Variants in GALNT10 observed in about 807,000 individuals in gnomAD.
The protein encoded by GALNT10 is GalNAc transferase 10.
Under a neutral mutation model 75.0 loss-of-function variants are expected in GALNT10, and 41 were observed. That is an observed-to-expected ratio of 0.55 (90% CI 0.43 to 0.71). The LOEUF is 0.71. Ranked by LOEUF, GALNT10 falls within the 30% of genes least tolerant of loss-of-function variation. GALNT10 has a pLI of 0.00. For missense variants in GALNT10, 727 were observed against 818.5 expected (o/e 0.89, Z 1.36); for synonymous variants, 302 against 313.0 (o/e 0.96, Z 0.37).
intron 1 of GALNT10, among the ~76,000 whole-genome samples, chr5:154,203,055 T>C (rs1193924850): frequency 1.3e-5 from 2 of 152,244 alleles, no homozygotes; most frequent in Non-Finnish European, 1.5e-5. Context: ...TTGATTAGTT[T>C]TAACTCTAAT....
At chr5:154,397,075 C>G (rs536160620) in intron 7 of GALNT10, among the ~76,000 whole-genome samples, 70 of 150,516 alleles carry the variant, frequency 4.7e-4, no homozygotes, top group Non-Finnish European at 7.5e-4. Flanking sequence ...TGCAGTGAAC[C>G]GAGATTGTGC....
chr5:154,380,634 A>T lies in GALNT10; in HGVS notation c.938+3A>T, dbSNP rs777148919. 5.9e-5 allele frequency: 95 copies of T among 1,605,882 alleles called. No homozygotes were observed. The highest frequency in any genetic ancestry group is 8.1e-5 in the Non-Finnish European group (95 of 1,173,680). On this transcript the variant is annotated splice_donor_region_variant and intron_variant, in intron 6 of 11. Transcript: ENST00000297107. The stretch of plus-strand genomic sequence containing the variant: ...GCTGACCCCAGCGACCCATTTGAGT[A>T]AGTATGAACAACCCTGGCTGGTCCC...
At chr5:154,326,052 A>T (rs186627541) in intron 3 of GALNT10, among the ~76,000 whole-genome samples, 193 of 152,178 alleles carry the variant, frequency 1.3e-3, no homozygotes, top group African/African-American at 4.4e-3. Context: ...TACAAAAATC[A>T]ATTGTATTTC....
At chr5:154,391,819 C>T (rs1233347087) in intron 7 of GALNT10, among the ~76,000 whole-genome samples, 2 of 152,144 alleles carry the variant, frequency 1.3e-5, no homozygotes, top group Admixed American at 1.3e-4. Context: ...GAGTTGGCTT[C>T]CCTCTCAGGT....
At chr5:154,255,303 T>G (rs1052266649) in intron 1 of GALNT10, among the ~76,000 whole-genome samples, 8 of 152,052 alleles carry the variant, frequency 5.3e-5, no homozygotes, top group Admixed American at 1.3e-4. Flanking sequence ...CTGGTACGTA[T>G]GTGAAAGTCA....
intron 1 of GALNT10, among the ~76,000 whole-genome samples, chr5:154,217,318 T>C (rs973569665): frequency 6.6e-6 from 1 of 152,224 alleles, no homozygotes; most frequent in Admixed American, 6.5e-5. Context: ...CTCCAGGATC[T>C]GTGTGTTCCA....
At chr5:154,199,617 T>C (rs945747529) in intron 1 of GALNT10, among the ~76,000 whole-genome samples, 3 of 152,200 alleles carry the variant, frequency 2.0e-5, no homozygotes, top group African/African-American at 7.2e-5. Context: ...GCCCACAGTC[T>C]GCTGCTCTTC....
chr5:154,204,609 A>C (rs4958364), intron 1 of GALNT10, among the ~76,000 whole-genome samples: 67,408 of 151,974 alleles, frequency 0.44, 15,812 homozygotes, highest in East Asian at 0.78. Context: ...CACATCCAGC[A>C]TGGTCCTTCT....
At chr5:154,387,079 G>C (rs1249776044) in intron 7 of GALNT10, 1 of 152,342 alleles carries the variant, frequency 6.6e-6, no homozygotes. Context: ...AAAGTGCTTA[G>C]CATACAACCT....
intron 1 of GALNT10, among the ~76,000 whole-genome samples, chr5:154,221,881 G>A (rs1336279047): frequency 6.6e-6 from 1 of 152,078 alleles, no homozygotes; most frequent in African/African-American, 2.4e-5. Flanking sequence ...TTGAGGCCTT[G>A]CTTACTTTGC....
At position 154,248,041 on chromosome 5, in the gene GALNT10, A is replaced by G. The variant is rs557934092; in HGVS notation, c.160-46775A>G. Among the ~76,000 whole-genome samples, 951 of 152,320 alleles carry G rather than the reference A, an allele frequency of 6.2e-3. 10 individuals are homozygous for G. Among genetic ancestry groups the G allele is most frequent in the African/African-American group, 0.021 (885 of 41,570 alleles). On this transcript the variant is annotated intron_variant, in intron 1 of 11. Coordinates refer to ENST00000297107, the MANE Select transcript of GALNT10 (RefSeq NM_198321.4). ...CATGAAGGGCTGTTGAATTTTGTCA[A>G]AGGCCTTTTCTGCATCTATTGAGAT...
intron 1 of GALNT10, among the ~76,000 whole-genome samples, chr5:154,251,779 CT>C (rs1226949076): frequency 2.0e-5 from 3 of 152,096 alleles, no homozygotes; most frequent in Non-Finnish European, 2.9e-5. Context: ...TAAGAAACTG[CT>C]TGGTTTCTTT....
intron 3 of GALNT10, among the ~76,000 whole-genome samples, chr5:154,311,583 C>T (rs1281418698): frequency 6.6e-6 from 1 of 151,806 alleles, no homozygotes; most frequent in East Asian, 1.9e-4. Context: ...GACCTGAGAC[C>T]TGAAACCCGT....
intron 1 of GALNT10, among the ~76,000 whole-genome samples, chr5:154,236,030 T>G (rs1753240666): frequency 6.6e-6 from 1 of 152,218 alleles, no homozygotes; most frequent in South Asian, 2.1e-4. Context: ...ACCACTCTTG[T>G]GCACAATGAT....
chr5:154,273,342 T>C (rs1354769066), intron 1 of GALNT10, among the ~76,000 whole-genome samples: 1 of 152,050 alleles, frequency 6.6e-6, no homozygotes, highest in Non-Finnish European at 1.5e-5. Flanking sequence ...ACAAAGATCG[T>C]GGAGAAATAA....
chr5:154,369,659 A>G (rs2113164969), intron 4 of GALNT10, among the ~76,000 whole-genome samples: 1 of 152,336 alleles, frequency 6.6e-6, no homozygotes, highest in Non-Finnish European at 1.5e-5. Flanking sequence ...GAATAAGTCT[A>G]TCCCAGGAAA....
At chr5:154,373,553 C>G (rs1755610325) in intron 4 of GALNT10, among the ~76,000 whole-genome samples, 1 of 152,130 alleles carries the variant, frequency 6.6e-6, no homozygotes, top group African/African-American at 2.4e-5. Context: ...GTGTGGGTGT[C>G]AGAGATAATA....
chr5:154,214,765 T>C (rs1169931373), intron 1 of GALNT10, among the ~76,000 whole-genome samples: 3 of 152,114 alleles, frequency 2.0e-5, no homozygotes, highest in Non-Finnish European at 4.4e-5. Flanking sequence ...TATGAAACTG[T>C]ACTTTTCAGA....
At chr5:154,348,069 A>G (rs1046160432) in intron 4 of GALNT10, among the ~76,000 whole-genome samples, 1 of 152,266 alleles carries the variant, frequency 6.6e-6, no homozygotes, top group African/African-American at 2.4e-5. Context: ...TCCTGCATAG[A>G]GCCAGAAGAT....
Sources: gnomAD v4.1 joint callset for allele counts (sites outside exome capture counted in the v4.1 genomes callset) on GRCh38, gnomAD v4.1.1 for gene constraint, MANE v1.5 for transcripts, NCBI Gene and HGNC (gene_info 2026-07-23, HGNC 2026-07-21) for gene names.